Variants in PACSIN2 observed in about 807,000 individuals in gnomAD.
The protein encoded by PACSIN2 is protein kinase C and casein kinase substrate in neurons protein 2.
A neutral mutation model predicts 63.8 loss-of-function variants in PACSIN2; 25 were observed. The ratio of observed to expected loss-of-function variants is 0.39; its 90% CI spans 0.29 to 0.55. PACSIN2 has a LOEUF of 0.55. Ranked by LOEUF, PACSIN2 falls within the 20% of genes least tolerant of loss-of-function variation. The pLI is 0.62. For synonymous variants in PACSIN2, 255 were observed against 256.2 expected (o/e 1.00, Z 0.05); for missense variants, 518 against 646.9 (o/e 0.80, Z 2.16).
At chr22:42,941,778 G>C (rs1340192989) in intron 1 of PACSIN2, among the ~76,000 whole-genome samples, 2 of 152,004 alleles carry the variant, frequency 1.3e-5, no homozygotes, top group Non-Finnish European at 2.9e-5. Context: ...GTTTTGTTTT[G>C]TTTTGTTTGA....
chr22:42,919,772 C>CAAAA (rs761464603), intron 1 of PACSIN2, among the ~76,000 whole-genome samples: 115 of 48,266 alleles, frequency 2.4e-3, no homozygotes, highest in Non-Finnish European at 4.0e-3. Context: ...GAACCTGTCT[C>CAAAA]AAAAAAAAAA....
chr22:42,948,203 G>C (rs1050409583), intron 1 of PACSIN2, among the ~76,000 whole-genome samples: 2 of 152,196 alleles, frequency 1.3e-5, no homozygotes, highest in Non-Finnish European at 2.9e-5. Flanking sequence ...GGAAGCTGCT[G>C]TGGCTGTGAA....
intron 1 of PACSIN2, among the ~76,000 whole-genome samples, chr22:42,971,537 T>C (rs938138287): frequency 1.3e-4 from 20 of 150,018 alleles, no homozygotes; most frequent in African/African-American, 4.7e-4. Context: ...CGTCTCTGCC[T>C]GGCAGCCCAT....
chr22:42,987,692 C>T (rs776548470), intron 1 of PACSIN2, among the ~76,000 whole-genome samples: 9 of 151,576 alleles, frequency 5.9e-5, no homozygotes, highest in African/African-American at 9.7e-5. Flanking sequence ...CCACCACACC[C>T]GGCTAATTTT....
intron 1 of PACSIN2, among the ~76,000 whole-genome samples, chr22:42,988,836 G>A (rs1438683931): frequency 6.6e-6 from 1 of 152,002 alleles, no homozygotes; most frequent in Non-Finnish European, 1.5e-5. Flanking sequence ...ACATGCATTT[G>A]GGAAAAAATA....
chr22:42,931,048 T>G (rs1327078750), intron 1 of PACSIN2, among the ~76,000 whole-genome samples: 1 of 152,222 alleles, frequency 6.6e-6, no homozygotes, highest in Non-Finnish European at 1.5e-5. Context: ...ATTCTTTCAT[T>G]CACTCATTCA....
chr22:42,871,919 T>G lies in PACSIN2; in HGVS notation c.1349-450A>C, dbSNP rs1928170381. On this transcript the variant is annotated intron_variant, in intron 10 of 10. Coordinates refer to ENST00000263246, the MANE Select transcript of PACSIN2 (RefSeq NM_001184970.3). The surrounding 1 kb of genome is among the most constrained non-coding windows in gnomAD (Gnocchi z 5.4). The stretch of plus-strand genomic sequence containing the variant: ...TCTGCCTTTGCTAATCCCTCTCCTC[T>G]GCAACTTCCAGGCTGCGAGGGGAAG... Among the ~76,000 whole-genome samples, 1 of 125,570 alleles carries G rather than the reference T, an allele frequency of 8.0e-6. No homozygotes were observed. Among genetic ancestry groups the G allele is most frequent in the South Asian group, 2.5e-4 (1 of 3,966 alleles). The allele number at this position is 125,570 out of a possible 152,430, so 82.4% of individuals were successfully genotyped here.
chr22:43,002,738 A>C (rs1367633228), intron 1 of PACSIN2, among the ~76,000 whole-genome samples: 1 of 152,200 alleles, frequency 6.6e-6, no homozygotes, highest in Non-Finnish European at 1.5e-5. Flanking sequence ...AAAGGATGAA[A>C]TTATAAACTG....
chr22:42,893,572 G>A lies in PACSIN2; in HGVS notation c.102C>T (p.Gly34=), dbSNP rs1249037600. 1.9e-6 allele frequency: 3 copies of A among 1,614,004 alleles called. No individual in the cohort carries two copies. Among genetic ancestry groups the A allele is most frequent in the Non-Finnish European group, 2.5e-6 (3 of 1,180,032 alleles). ...YKRTVKRIDD[G]HRLCSDLMNC... ...TCATGAGGTCGCTGCACAGGCGGTG[G>A]CCATCGTCGATCCGCTTCACAGTCC... The change falls in exon 3 of 11, where the codon GGC becomes GGT. Residue 34 remains glycine, a synonymous_variant. Coordinates refer to ENST00000263246, the MANE Select transcript of PACSIN2 (RefSeq NM_001184970.3).
intron 2 of PACSIN2, 134 bp from the exon 3 acceptor site, chr22:42,893,747 T>A: frequency 1.3e-6 from 1 of 774,232 alleles, no homozygotes; most frequent in Non-Finnish European, 2.2e-6. Context: ...CTCCAAGAGT[T>A]TGAAAGGCAC....
intron 1 of PACSIN2, among the ~76,000 whole-genome samples, chr22:42,972,739 A>T (rs2146871095): frequency 6.6e-6 from 1 of 152,018 alleles, no homozygotes; most frequent in Non-Finnish European, 1.5e-5. Flanking sequence ...AAAGTCAGCC[A>T]TGCTTTTACT....
intron 1 of PACSIN2, among the ~76,000 whole-genome samples, chr22:42,928,924 C>T (rs1932700742): frequency 6.6e-6 from 1 of 152,206 alleles, no homozygotes; most frequent in Admixed American, 6.5e-5. Context: ...TCTCAGCATC[C>T]AACTACTTTC....
intron 3 of PACSIN2, among the ~76,000 whole-genome samples, chr22:42,891,685 C>T (rs890559491): frequency 3.9e-5 from 6 of 152,256 alleles, no homozygotes; most frequent in East Asian, 1.9e-4. Flanking sequence ...GGATTACAGG[C>T]GTGAGCCACC....
At chr22:42,963,753 C>T (rs1054870415) in intron 1 of PACSIN2, among the ~76,000 whole-genome samples, 4 of 152,166 alleles carry the variant, frequency 2.6e-5, no homozygotes, top group African/African-American at 9.7e-5. Flanking sequence ...CCTCTCTCTA[C>T]CACACCCGTG....
At chr22:42,936,348 T>G (rs1298332496) in intron 1 of PACSIN2, among the ~76,000 whole-genome samples, 3 of 152,182 alleles carry the variant, frequency 2.0e-5, no homozygotes, top group African/African-American at 7.2e-5. Context: ...CAATCCATGT[T>G]GGTTCCCTTC....
chr22:42,926,084 G>A (rs927750326), intron 1 of PACSIN2, among the ~76,000 whole-genome samples: 4 of 152,154 alleles, frequency 2.6e-5, no homozygotes, highest in Non-Finnish European at 5.9e-5. Context: ...CAACTACCTG[G>A]CACAACTCAT....
chr22:42,900,331 C>A (rs1602209077), intron 2 of PACSIN2, among the ~76,000 whole-genome samples: 1 of 152,238 alleles, frequency 6.6e-6, no homozygotes, highest in African/African-American at 2.4e-5. Flanking sequence ...GTGCCACACA[C>A]TGAGTGATTT....
intron 1 of PACSIN2, among the ~76,000 whole-genome samples, chr22:42,980,420 C>G (rs1451517055): frequency 6.6e-6 from 1 of 151,730 alleles, no homozygotes; most frequent in African/African-American, 2.4e-5. Context: ...CCACGACACT[C>G]CAGCCTGGGC....
chr22:42,969,574 A>G (rs1483539429), intron 1 of PACSIN2, among the ~76,000 whole-genome samples: 3 of 152,184 alleles, frequency 2.0e-5, no homozygotes, highest in African/African-American at 7.2e-5. Flanking sequence ...GCATTATCCA[A>G]GCAATATGGG....
Sources: gnomAD v4.1 joint callset for allele counts (sites outside exome capture counted in the v4.1 genomes callset) on GRCh38, gnomAD v4.1.1 for gene constraint, Gnocchi (gnomAD v3.1) non-coding constraint, MANE v1.5 for transcripts, NCBI Gene and HGNC (gene_info 2026-07-23, HGNC 2026-07-21) for gene names.